The following GABRG3 variants were observed in gnomAD, a reference collection of about 807,000 sequenced individuals.
GABRG3 encodes the protein gamma-aminobutyric acid receptor subunit gamma-3.
GABRG3 carries 25 observed loss-of-function variants against 48.8 expected under a neutral mutation model. The observed-to-expected ratio is 0.51, with a 90% CI of 0.37 to 0.72. The LOEUF (loss-of-function observed/expected upper bound fraction) is 0.72, where lower values mean the gene tolerates loss of function less well. GABRG3 is among the 30% of genes least tolerant of loss of function. The probability of loss-of-function intolerance (pLI) is 0.00; values close to 1 mark genes in which losing one functional copy is unlikely to be tolerated. For synonymous variants in GABRG3, 227 were observed against 217.6 expected (o/e 1.04, Z -0.38); for missense variants, 394 against 577.9 (o/e 0.68, Z 3.26).
At chr15:27,460,762 G>A (rs1473130471) in intron 5 of GABRG3, among the ~76,000 whole-genome samples, 1 of 152,106 alleles carries the variant, frequency 6.6e-6, no homozygotes, top group South Asian at 2.1e-4. Context: ...CTACCTCCAG[G>A]CCCCTCAGGA....
chr15:27,391,490 G>A (rs145377336), intron 5 of GABRG3, among the ~76,000 whole-genome samples: 5 of 152,064 alleles, frequency 3.3e-5, no homozygotes, highest in Admixed American at 1.3e-4. Context: ...ATTTAATGCC[G>A]ATGTTAGAAT....
intron 3 of GABRG3, among the ~76,000 whole-genome samples, chr15:27,160,783 C>T (rs1887154708): frequency 6.6e-6 from 1 of 151,938 alleles, no homozygotes. Context: ...ACTGGCCTCT[C>T]ATGAATAAGT....
intron 3 of GABRG3, among the ~76,000 whole-genome samples, chr15:27,073,376 C>T (rs1384645950): frequency 6.6e-6 from 1 of 152,192 alleles, no homozygotes; most frequent in African/African-American, 2.4e-5. Context: ...CTCAGGGGTG[C>T]CACCCCATGT....
At chr15:27,521,053 G>T (rs894859430) in intron 7 of GABRG3, among the ~76,000 whole-genome samples, 3 of 151,840 alleles carry the variant, frequency 2.0e-5, no homozygotes, top group Non-Finnish European at 4.4e-5. Context: ...CTAACCCTTG[G>T]GGTTATGGCT....
At chr15:27,525,567 C>T (rs3101636) in intron 7 of GABRG3, among the ~76,000 whole-genome samples, 96,169 of 151,920 alleles carry the variant, frequency 0.63, 31,844 homozygotes, top group African/African-American at 0.84. Flanking sequence ...ACGGCCATTG[C>T]CTACATCTGG....
At chr15:27,266,544 T>A (rs2140470607) in intron 3 of GABRG3, among the ~76,000 whole-genome samples, 1 of 152,334 alleles carries the variant, frequency 6.6e-6, no homozygotes, top group Non-Finnish European at 1.5e-5. Context: ...CCTACAAAAA[T>A]TTTAGAAATA....
intron 2 of GABRG3, among the ~76,000 whole-genome samples, chr15:27,017,395 T>C (rs1895799517): frequency 6.6e-6 from 1 of 152,192 alleles, no homozygotes; most frequent in Admixed American, 6.5e-5. Context: ...TTTGGTGGTG[T>C]AGCAAACTGA....
At chr15:27,502,269 G>A (rs74005006) in intron 6 of GABRG3, among the ~76,000 whole-genome samples, 2 of 152,144 alleles carry the variant, frequency 1.3e-5, no homozygotes, top group African/African-American at 2.4e-5. Flanking sequence ...TTGATTTATT[G>A]TTTGATCCAT....
At chr15:27,242,287 C>T (rs1032902098) in intron 3 of GABRG3, among the ~76,000 whole-genome samples, 16 of 152,092 alleles carry the variant, frequency 1.1e-4, no homozygotes, top group African/African-American at 3.9e-4. Context: ...ATAAGAGTTC[C>T]CTTATAAGGA....
chr15:27,200,389 G>A (rs1888644232), intron 3 of GABRG3, among the ~76,000 whole-genome samples: 1 of 152,266 alleles, frequency 6.6e-6, no homozygotes, highest in East Asian at 1.9e-4. Context: ...TTCCTTTTGG[G>A]AGTTTTACAT....
At chr15:27,248,803 C>CAGAGAGAG (rs1170812736) in intron 3 of GABRG3, among the ~76,000 whole-genome samples, 27 of 110,230 alleles carry the variant, frequency 2.4e-4, no homozygotes, top group African/African-American at 9.0e-4. Context: ...CACACACACA[C>CAGAGAGAG]AGAGAGAGAG....
chr15:27,053,970 A>G lies in GABRG3; in HGVS notation c.270+27149A>G, dbSNP rs567531899. On this transcript the variant is annotated intron_variant, in intron 3 of 9. Coordinates refer to ENST00000615808, the MANE Select transcript of GABRG3 (RefSeq NM_033223.5). ...GGGAATAGACACTGGGGACTTCAAA[A>G]GGAGGGAGGGGCCGGGTGTGGCGGC... is the stretch of plus-strand genomic sequence containing the variant. Among the ~76,000 whole-genome samples, 145 of 152,346 alleles carry G rather than the reference A, an allele frequency of 9.5e-4. 1 individual carries two copies. Among genetic ancestry groups the G allele is most frequent in the African/African-American group, 3.3e-3 (139 of 41,600 alleles).
chr15:27,395,111 TG>T (rs1178469963), intron 5 of GABRG3, among the ~76,000 whole-genome samples: 1 of 152,226 alleles, frequency 6.6e-6, no homozygotes, highest in African/African-American at 2.4e-5. Flanking sequence ...CAATTGATGG[TG>T]TCTCCCAGTC....
intron 3 of GABRG3, among the ~76,000 whole-genome samples, chr15:27,173,109 A>G (rs995670045): frequency 6.6e-6 from 1 of 152,138 alleles, no homozygotes; most frequent in Non-Finnish European, 1.5e-5. Context: ...CATCACATCA[A>G]ATGGTTAGAT....
At chr15:27,351,869 TGTGC>T (rs1308944329) in intron 5 of GABRG3, among the ~76,000 whole-genome samples, 1 of 151,042 alleles carries the variant, frequency 6.6e-6, no homozygotes, top group African/African-American at 2.4e-5. Context: ...GTGTATGGTG[TGTGC>T]GTATGTATGA....
intron 5 of GABRG3, among the ~76,000 whole-genome samples, chr15:27,403,136 A>G (rs1252634073): frequency 6.6e-6 from 1 of 152,210 alleles, no homozygotes; most frequent in African/African-American, 2.4e-5. Flanking sequence ...TATAAAAGAA[A>G]AAAATTAAGA....
intron 5 of GABRG3, chr15:27,340,850 TAAG>T: frequency 3.3e-6 from 1 of 299,604 alleles, no homozygotes; most frequent in Admixed American, 3.8e-5. Flanking sequence ...ACGACTTTGC[TAAG>T]AAGAAAAAAG....
chr15:26,981,723 C>G (rs767819461), intron 2 of GABRG3, among the ~76,000 whole-genome samples: 2 of 152,172 alleles, frequency 1.3e-5, no homozygotes, highest in African/African-American at 4.8e-5. Flanking sequence ...AGCAGACGCA[C>G]CGTCGGCAGG....
At chr15:27,016,532 T>C (rs1334554645) in intron 2 of GABRG3, among the ~76,000 whole-genome samples, 4 of 152,202 alleles carry the variant, frequency 2.6e-5, no homozygotes, top group Non-Finnish European at 4.4e-5. Context: ...TTCAAGATTC[T>C]CATTGTCTGT....
Sources: allele counts gnomAD v4.1 joint callset (sites outside exome capture counted in the v4.1 genomes callset), GRCh38; gene constraint gnomAD v4.1.1; transcripts MANE v1.5; gene names NCBI Gene and HGNC (gene_info 2026-07-23, HGNC 2026-07-21).